Variants in KAT5 observed in about 807,000 individuals in gnomAD.
KAT5 encodes histone acetyltransferase KAT5.
KAT5 carries 31 observed loss-of-function variants against 68.1 expected under a neutral mutation model. That is an observed-to-expected ratio of 0.46 (90% CI 0.34 to 0.61). The LOEUF (loss-of-function observed/expected upper bound fraction) is 0.61, where lower values mean the gene tolerates loss of function less well. Among genes scored for constraint, KAT5 ranks in the 20% least tolerant of loss-of-function variants. The pLI is 0.01. For synonymous variants in KAT5, 365 were observed against 292.6 expected (o/e 1.25, Z -2.52); for missense variants, 451 against 725.5 (o/e 0.62, Z 4.35).
chr11:65,712,418 C>T lies in KAT5; in HGVS notation c.151C>T (p.Arg51Trp). Residue 51 changes from arginine (R) to tryptophan (W), a missense_variant, in exon 1 of 13, where the codon CGG (arginine) becomes TGG (tryptophan). Around this residue, in one of 4 missense-constraint regions of KAT5, gnomAD observed 104 missense variants for 107.3 expected, o/e 0.97. Transcript: ENST00000341318. ...IEGCRLPVLR[R>W]NQDNEDEWPL... Reference sequence around the variant, plus strand: ...GGGCTGCCGCCTACCCGTGCTGCGGCGGAACCAGGACAACGAAGATGAGTG... The same window carrying T: ...GGGCTGCCGCCTACCCGTGCTGCGGTGGAACCAGGACAACGAAGATGAGTG... 6.3e-7 allele frequency: 1 copy of T among 1,590,346 alleles called. No individual in the cohort carries two copies. The highest frequency in any genetic ancestry group is 1.9e-5 in the Admixed American group (1 of 51,776).
intron 8 of KAT5, 109 bp downstream of exon 8, chr11:65,715,019 ATT>A: frequency 1.1e-6 from 1 of 919,560 alleles, no homozygotes; most frequent in Non-Finnish European, 1.7e-6. Context: ...GCCCATTTTT[ATT>A]GAGTTCCTGC....
rs1020584840 is a variant in KAT5 at position 65,714,288 on chromosome 11, C to A, written c.691-207C>A. The A allele has an allele frequency of 4.9e-6, 3 of 613,164 alleles. No homozygotes were observed. In the African/African-American group the frequency reaches 5.5e-5, roughly 11 times the overall value. The allele number at this position is 613,164 out of a possible 1,614,324, so 38.0% of individuals were successfully genotyped here. A position where few individuals can be genotyped will look rare whatever the true frequency, so the allele number is the denominator to read the frequency against. On this transcript the variant is annotated intron_variant, in intron 6 of 12. Coordinates refer to ENST00000341318, the MANE Select transcript of KAT5 (RefSeq NM_182710.3). ...CCAGCCTGGGCGACAGACTGAGACTCCATCTAAAAAATGGGGTCATTGGGT... is the reference window on the plus strand; with the variant it reads ...CCAGCCTGGGCGACAGACTGAGACTACATCTAAAAAATGGGGTCATTGGGT...
In KAT5 at chr11:65,719,468, G is replaced by A; in HGVS notation, c.*287G>A. ...AGTGAGAAGGGATCCGGATGGGGGA[G>A]CTCTGTACAGAGGGCTGGTGATTGT... On this transcript the variant is annotated 3_prime_UTR_variant, in exon 13 of 13. Coordinates refer to ENST00000341318, the MANE Select transcript of KAT5 (RefSeq NM_182710.3). 1 of 606,214 alleles carries A rather than the reference G, an allele frequency of 1.6e-6. No individual in the cohort carries two copies. The highest frequency in any genetic ancestry group is 2.8e-5 in the East Asian group (1 of 36,348). The allele number at this position is 606,214 out of a possible 1,614,324, so 37.6% of individuals were successfully genotyped here. A position where few individuals can be genotyped will look rare whatever the true frequency, so the allele number is the denominator to read the frequency against.
chr11:65,717,050 G>A, intron 10 of KAT5, 68 bp downstream of exon 10: 1 of 1,225,536 alleles, frequency 8.2e-7, no homozygotes, highest in Non-Finnish European at 1.2e-6. Flanking sequence ...AGATGGGCCA[G>A]GCTACTGTGA....
Position 65,719,336 on chromosome 11 carries a change from C to A in KAT5, c.*155C>A. 1.1e-6 allele frequency: 1 copy of A among 942,600 alleles called. No homozygotes were observed. The highest frequency in any genetic ancestry group is 1.5e-6 in the Non-Finnish European group (1 of 647,542). The allele number at this position is 942,600 out of a possible 1,614,324, so 58.4% of individuals were successfully genotyped here. ...CAGGCCTGGCAGGGGCCCACTGGTG[C>A]CCAGCACCAAGGCGAGCTCCGGGCT... is the stretch of plus-strand genomic sequence containing the variant. On this transcript the variant is annotated 3_prime_UTR_variant, in exon 13 of 13. Coordinates refer to ENST00000341318, the MANE Select transcript of KAT5 (RefSeq NM_182710.3).
At chr11:65,717,981 G>C (rs1857259372) in intron 10 of KAT5, 1 of 153,538 alleles carries the variant, frequency 6.5e-6, no homozygotes, top group African/African-American at 2.4e-5. Context: ...CGGCCTCCCA[G>C]CGGCCAGCTA....
chr11:65,719,154 G>A lies in KAT5; in HGVS notation c.1614G>A (p.Lys538=), dbSNP rs747487385. 2 of 1,614,170 alleles carry A rather than the reference G, an allele frequency of 1.2e-6. No individual in the cohort carries two copies. The highest frequency in any genetic ancestry group is 1.3e-5 in the African/African-American group (1 of 75,064). The change falls in exon 13 of 13, where the codon AAG becomes AAA. Residue 538 remains lysine, a synonymous_variant. Coordinates refer to ENST00000341318, the MANE Select transcript of KAT5 (RefSeq NM_182710.3). ...IDSKCLHFTP[K]DWSKRGKW ...CCAAGTGTCTGCACTTCACTCCCAA[G>A]GACTGGAGCAAGAGGGGGAAGTGGT...
Position 65,719,340 on chromosome 11 carries a change from G to A in KAT5, c.*159G>A. ...CCTGGCAGGGGCCCACTGGTGCCCA[G>A]CACCAAGGCGAGCTCCGGGCTCAGA... is the stretch of plus-strand genomic sequence containing the variant. On this transcript the variant is annotated 3_prime_UTR_variant, in exon 13 of 13. Coordinates refer to ENST00000341318, the MANE Select transcript of KAT5 (RefSeq NM_182710.3). 1 of 902,358 alleles carries A rather than the reference G, an allele frequency of 1.1e-6. No homozygotes were observed. The highest frequency in any genetic ancestry group is 1.6e-6 in the Non-Finnish European group (1 of 611,440). 55.9% of individuals were successfully genotyped at this position (902,358 alleles called of 1,614,324 possible).
intron 10 of KAT5, 140 bp from the exon 11 acceptor site, chr11:65,718,450 G>C: frequency 2.5e-6 from 2 of 796,154 alleles, no homozygotes; most frequent in Non-Finnish European, 4.1e-6. Context: ...CTGAGGCACA[G>C]AGAAGTGGAG....
intron 10 of KAT5, chr11:65,717,373 C>T (rs1857234382): frequency 6.7e-6 from 2 of 296,776 alleles, no homozygotes; most frequent in East Asian, 1.6e-4. Flanking sequence ...TCCCCTGAGC[C>T]TTGCAGGCAG....
At chr11:65,712,890 C>T (rs766280016) in intron 2 of KAT5, 32 bp from the exon 3 acceptor site, 4 of 1,614,090 alleles carry the variant, frequency 2.5e-6, no homozygotes, top group East Asian at 2.2e-5. Context: ...CAGTCTTTGG[C>T]ATTCTGTCCT....
intron 8 of KAT5, among the ~76,000 whole-genome samples, chr11:65,715,756 G>T (rs770459560): frequency 5.4e-5 from 8 of 148,628 alleles, no homozygotes; most frequent in Non-Finnish European, 1.2e-4. Flanking sequence ...AAGACTTCGT[G>T]TAAAAAAAAT....
chr11:65,718,471 T>TC, intron 10 of KAT5, 119 bp from the exon 11 acceptor site: 3 of 1,002,518 alleles, frequency 3.0e-6, no homozygotes, highest in South Asian at 1.5e-5. Flanking sequence ...GGCATAGAAC[T>TC]GCCAAGTGGC....
intron 6 of KAT5, chr11:65,714,181 C>G (rs1207745793): frequency 1.9e-6 from 1 of 513,810 alleles, no homozygotes; most frequent in Non-Finnish European, 3.5e-6. Flanking sequence ...TGCCTGTAAT[C>G]CAGCTCGGAA....
Position 65,718,628 on chromosome 11 carries a change from CCT to C in KAT5, c.1304_1305del (p.Pro435ArgfsTer41). On this transcript the variant is annotated frameshift_variant, in exon 11 of 13. Coordinates refer to ENST00000341318, the MANE Select transcript of KAT5 (RefSeq NM_182710.3). LOFTEE classifies it high-confidence loss of function. ...CAAAGTGGAAGGGAAAACAGGGACC[CCT>C]GAGAAGCCCCTCTCAGACCTTGGCC... ...LSKVEGKTGT[P>X]EKPLSDLGLL... 6.2e-7 allele frequency: 1 copy of C among 1,614,196 alleles called. No individual in the cohort carries two copies.
rs574430605 is a variant in KAT5 at position 65,714,530 on chromosome 11, A to C, written c.726A>C (p.Ala242=). Residue 242 remains alanine, a synonymous_variant, in exon 7 of 13, where the codon GCA becomes GCC. Transcript: ENST00000341318. ...SQDSSDGIPS[A]PRMTGSLVSD... is the part of the protein sequence containing the mutation. The stretch of plus-strand genomic sequence containing the variant: ...ACAGCTCTGATGGAATACCGTCAGC[A>C]CCACGCATGACTGGCAGCCTGGTGT... The C allele has an allele frequency of 5.0e-6, 8 of 1,614,156 alleles. No homozygotes were observed. The Admixed American group carries it at 1.3e-4, about 27-fold the overall frequency.
Position 65,712,379 on chromosome 11 carries a change from G to C in KAT5, c.112G>C (p.Gly38Arg). Residue 38 changes from glycine to arginine, a missense_variant, in exon 1 of 13, where the codon GGG becomes CGG. Gly to Arg is a moderately radical substitution (Grantham distance 125). Coordinates refer to ENST00000341318, the MANE Select transcript of KAT5 (RefSeq NM_182710.3). ...CCCTGGCGTCGCGCTGTCTCCCCAG[G>C]GGGAGATAATCGAGGGCTGCCGCCT... ...ADPGVALSPQ[G>R]EIIEGCRLPV... 1.9e-6 allele frequency: 3 copies of C among 1,580,904 alleles called. No homozygotes were observed. Among genetic ancestry groups the C allele is most frequent in the Non-Finnish European group, 2.6e-6 (3 of 1,170,848 alleles).
intron 8 of KAT5, chr11:65,715,205 T>C (rs1179268044): frequency 2.5e-6 from 1 of 407,248 alleles, no homozygotes; most frequent in Non-Finnish European, 4.6e-6. Context: ...TCATAGAGGG[T>C]TACCTTTCAG....
At position 65,718,879 on chromosome 11, in the gene KAT5, T is replaced by G. The variant is rs1202867113; in HGVS notation, c.1431T>G (p.Ile477Met). ...GERPQITINE[I>M]SEITSIKKED... ...GACCTGTGCTCTCCCACAGTGAGAT[T>G]AGTGAAATCACCAGCATCAAGAAGG... Residue 477 changes from isoleucine to methionine, a missense_variant, in exon 12 of 13, where the codon ATT becomes ATG. Physicochemically the swap from Ile to Met is conservative, Grantham distance 10. Around this residue, in one of 4 missense-constraint regions of KAT5, gnomAD observed 210 missense variants for 423.7 expected, o/e 0.50. Coordinates refer to ENST00000341318, the MANE Select transcript of KAT5 (RefSeq NM_182710.3). The G allele has an allele frequency of 6.2e-7, 1 of 1,614,012 alleles. No individual in the cohort carries two copies. The highest frequency in any genetic ancestry group is 1.3e-5 in the African/African-American group (1 of 74,918).
Sources: allele counts gnomAD v4.1 joint callset (sites outside exome capture counted in the v4.1 genomes callset), GRCh38; gene constraint gnomAD v4.1.1; regional missense constraint gnomAD v4.1.1; transcripts MANE v1.5; gene names NCBI Gene and HGNC (gene_info 2026-07-23, HGNC 2026-07-21).